DHRSX: variants seen among roughly 807,000 people sequenced by gnomAD.
The protein encoded by DHRSX is polyprenol dehydrogenase.
In DHRSX, 31 loss-of-function variants were observed where a neutral mutation model predicts 34.0. The observed-to-expected ratio is 0.91, with a 90% CI of 0.69 to 1.23. The LOEUF (loss-of-function observed/expected upper bound fraction) is 1.23. DHRSX is among the 50% of genes most tolerant of loss of function. The pLI, the probability that DHRSX is intolerant of heterozygous loss-of-function variation, is 0.00. For missense variants in DHRSX, 414 were observed against 428.1 expected (o/e 0.97, Z 0.29); for synonymous variants, 201 against 183.8 (o/e 1.09, Z -0.76).
chrX:2,440,490 C>A (rs1358898167), intron 1 of DHRSX, among the ~76,000 whole-genome samples: 1 of 151,740 alleles, frequency 6.6e-6, no homozygotes, highest in African/African-American at 2.4e-5. Flanking sequence ...GCAGAAGATG[C>A]CGCATCCAGC....
intron 6 of DHRSX, among the ~76,000 whole-genome samples, chrX:2,237,765 A>G (rs1468387490): frequency 6.6e-6 from 1 of 151,934 alleles, no homozygotes; most frequent in Non-Finnish European, 1.5e-5. Context: ...CAGCCTCCCA[A>G]AGTGTTGGGA....
At chrX:2,374,837 C>T (rs1022559847) in intron 3 of DHRSX, among the ~76,000 whole-genome samples, 1 of 137,462 alleles carries the variant, frequency 7.3e-6, no homozygotes, top group Admixed American at 7.3e-5. Flanking sequence ...TTTGGGAGGC[C>T]GTGGTGGAAG....
At chrX:2,331,899 T>C (rs1569490146) in intron 3 of DHRSX, among the ~76,000 whole-genome samples, 1 of 152,098 alleles carries the variant, frequency 6.6e-6, no homozygotes, top group Non-Finnish European at 1.5e-5. Flanking sequence ...AAGCACCCTC[T>C]ACCCTCAGCA....
chrX:2,326,139 G>A (rs754787579), intron 3 of DHRSX, among the ~76,000 whole-genome samples: 1 of 152,302 alleles, frequency 6.6e-6, no homozygotes, highest in Admixed American at 6.5e-5. Flanking sequence ...TGCTTGTCTA[G>A]GAGTTCCTGC....
chrX:2,362,396 G>C (rs992291124), intron 3 of DHRSX, among the ~76,000 whole-genome samples: 1 of 152,186 alleles, frequency 6.6e-6, no homozygotes, highest in African/African-American at 2.4e-5. Context: ...CGCCTCCCGG[G>C]TTCAAGCAAT....
intron 1 of DHRSX, among the ~76,000 whole-genome samples, chrX:2,469,281 T>G (rs904838365): frequency 7.2e-5 from 10 of 138,792 alleles, no homozygotes; most frequent in Non-Finnish European, 1.5e-4. Context: ...ACTGCCACCG[T>G]GTACACGCTG....
At chrX:2,239,595 AAAAAAAT>A (rs2016093912) in intron 6 of DHRSX, among the ~76,000 whole-genome samples, 1 of 151,230 alleles carries the variant, frequency 6.6e-6, no homozygotes, top group South Asian at 2.1e-4. Flanking sequence ...TCTCTACTAA[AAAAAAAT>A]AAAAAATAAA....
chrX:2,369,488 G>GT (rs67165330), intron 3 of DHRSX, among the ~76,000 whole-genome samples: 3,622 of 150,936 alleles, frequency 0.024, 136 homozygotes, highest in African/African-American at 0.077. Flanking sequence ...TTTAGTTTTT[G>GT]TTTTTTTTTG....
intron 3 of DHRSX, among the ~76,000 whole-genome samples, chrX:2,372,820 G>A (rs28707717): frequency 6.6e-6 from 1 of 151,538 alleles, no homozygotes; most frequent in Non-Finnish European, 1.5e-5. Flanking sequence ...TCATGTTGGC[G>A]AGGCTGGTCT....
At chrX:2,461,355 G>A (rs1402171220) in intron 1 of DHRSX, among the ~76,000 whole-genome samples, 2 of 152,150 alleles carry the variant, frequency 1.3e-5, no homozygotes, top group East Asian at 1.9e-4. Flanking sequence ...CTGCACCCAC[G>A]GGTCCACCCG....
At chrX:2,352,485 C>T (rs908777630) in intron 3 of DHRSX, among the ~76,000 whole-genome samples, 4 of 152,106 alleles carry the variant, frequency 2.6e-5, no homozygotes, top group African/African-American at 9.7e-5. Flanking sequence ...TGGGAGCTTA[C>T]GGGTGACTCA....
chrX:2,382,969 C>CCAT (rs2043229437), intron 3 of DHRSX, among the ~76,000 whole-genome samples: 1 of 62,888 alleles, frequency 1.6e-5, no homozygotes, highest in South Asian at 6.8e-4. Flanking sequence ...ATCACCATCA[C>CCAT]CATCATCACC....
At chrX:2,346,733 G>A (rs1569491945) in intron 3 of DHRSX, among the ~76,000 whole-genome samples, 1 of 151,822 alleles carries the variant, frequency 6.6e-6, no homozygotes, top group Non-Finnish European at 1.5e-5. Flanking sequence ...ATGTGCCATG[G>A]TGGTTTGCTG....
intron 2 of DHRSX, 144 bp downstream of exon 2, chrX:2,425,053 T>A: frequency 1.6e-6 from 1 of 641,980 alleles, no homozygotes. Flanking sequence ...GGTAGGAGAA[T>A]CACTTTAACC....
At chrX:2,246,700 AAGAAAG>A (rs1374189011) in intron 5 of DHRSX, among the ~76,000 whole-genome samples, 3 of 116,280 alleles carry the variant, frequency 2.6e-5, no homozygotes, top group Non-Finnish European at 5.1e-5. Context: ...AAAGAAAAGA[AAGAAAG>A]AGAAAGAAAG....
chrX:2,418,483 G>A (rs761186285), intron 2 of DHRSX, among the ~76,000 whole-genome samples: 1 of 152,186 alleles, frequency 6.6e-6, no homozygotes, highest in South Asian at 2.1e-4. Flanking sequence ...ACAAAGAAAT[G>A]GGGTGTTTTC....
At chrX:2,449,047 G>T (rs773710385) in intron 1 of DHRSX, among the ~76,000 whole-genome samples, 1 of 152,052 alleles carries the variant, frequency 6.6e-6, no homozygotes, top group African/African-American at 2.4e-5. Context: ...AAATTAGCTG[G>T]GTGTGGTGGC....
rs1478119149 is a variant in DHRSX, at chrX:2,371,938, A to T, written c.286+36807T>A. Among the ~76,000 whole-genome samples the T allele has an allele frequency of 1.3e-4, 20 of 152,316 alleles. No individual in the cohort carries two copies. The East Asian group carries it at 3.3e-3, about 25-fold the overall frequency. Reference sequence around the variant, plus strand: ...GGAAAGTCCATATCTTCCCTGCCCCAGACAACTGTGCTGTCCACAGCTGGA... The same window carrying T: ...GGAAAGTCCATATCTTCCCTGCCCCTGACAACTGTGCTGTCCACAGCTGGA... On this transcript the variant is annotated intron_variant, in intron 3 of 6. Transcript: ENST00000334651.
At chrX:2,284,187 TTTCAATTCA>T (rs1259173536) in intron 4 of DHRSX, among the ~76,000 whole-genome samples, 31 of 151,800 alleles carry the variant, frequency 2.0e-4, no homozygotes, top group Non-Finnish European at 4.1e-4. Flanking sequence ...CATACATTCC[TTTCAATTCA>T]TTTAGTCCTT....
Sources: allele counts gnomAD v4.1 joint callset (sites outside exome capture counted in the v4.1 genomes callset), GRCh38; gene constraint gnomAD v4.1.1; transcripts MANE v1.5; gene names NCBI Gene and HGNC (gene_info 2026-07-23, HGNC 2026-07-21).